The following KCND3 variants were observed in gnomAD, a reference collection of about 807,000 sequenced individuals.
KCND3 encodes the protein potassium voltage-gated channel subfamily D member 3, also known as A-type voltage-gated potassium channel KCND3.
A neutral mutation model predicts 51.1 loss-of-function variants in KCND3; 9 were observed. That is an observed-to-expected ratio of 0.18 (90% CI 0.11 to 0.31). The LOEUF (loss-of-function observed/expected upper bound fraction) is 0.31, where lower values mean the gene tolerates loss of function less well. KCND3 is among the 10% of genes least tolerant of loss of function. The pLI, the probability that KCND3 is intolerant of heterozygous loss-of-function variation, is 1.00. For synonymous variants in KCND3, 349 were observed against 368.0 expected (o/e 0.95, Z 0.59); for missense variants, 526 against 903.8 (o/e 0.58, Z 5.36).
chr1:111,873,585 C>T (rs1668920783), intron 2 of KCND3, among the ~76,000 whole-genome samples: 1 of 152,118 alleles, frequency 6.6e-6, no homozygotes, highest in South Asian at 2.1e-4. Flanking sequence ...CCTGGGAAGA[C>T]AGGCTAAGTG....
intron 2 of KCND3, among the ~76,000 whole-genome samples, chr1:111,931,703 G>A (rs1370760386): frequency 3.3e-5 from 5 of 152,232 alleles, no homozygotes; most frequent in African/African-American, 1.2e-4. Flanking sequence ...GGCAGCATCG[G>A]CATAGTGCTG....
chr1:111,902,887 T>G (rs572900406), intron 2 of KCND3, among the ~76,000 whole-genome samples: 11 of 152,346 alleles, frequency 7.2e-5, no homozygotes, highest in African/African-American at 2.2e-4. Flanking sequence ...TGAACACTTG[T>G]GAGAGTAGCA....
At chr1:111,894,635 G>A (rs1473239921) in intron 2 of KCND3, among the ~76,000 whole-genome samples, 1 of 152,226 alleles carries the variant, frequency 6.6e-6, no homozygotes, top group Non-Finnish European at 1.5e-5. Context: ...TGACTAGCAG[G>A]CTGCGCTGCA....
At chr1:111,858,261 G>A (rs1194274867) in intron 2 of KCND3, among the ~76,000 whole-genome samples, 5 of 152,030 alleles carry the variant, frequency 3.3e-5, no homozygotes, top group Admixed American at 2.6e-4. Context: ...CATTTCCCTG[G>A]GCAAACCCAC....
intron 2 of KCND3, among the ~76,000 whole-genome samples, chr1:111,907,944 C>T (rs745374326): frequency 2.6e-5 from 4 of 151,064 alleles, no homozygotes; most frequent in Non-Finnish European, 5.9e-5. Flanking sequence ...CTTAGTAGTT[C>T]ATTGTCTTTC....
At chr1:111,823,030 G>A (rs1373501105) in intron 2 of KCND3, among the ~76,000 whole-genome samples, 1 of 152,228 alleles carries the variant, frequency 6.6e-6, no homozygotes, top group African/African-American at 2.4e-5. Context: ...ACTGAACCCA[G>A]ACAGACGGCG....
At chr1:111,868,419 G>A (rs1214543336) in intron 2 of KCND3, among the ~76,000 whole-genome samples, 2 of 152,274 alleles carry the variant, frequency 1.3e-5, no homozygotes, top group East Asian at 3.9e-4. Context: ...AAACACAAGA[G>A]TACAGTGCCT....
intron 2 of KCND3, among the ~76,000 whole-genome samples, chr1:111,870,829 G>A (rs1274340165): frequency 6.6e-6 from 1 of 152,212 alleles, no homozygotes; most frequent in Admixed American, 6.5e-5. Flanking sequence ...AAGCATATGT[G>A]GGATGGAAGA....
chr1:111,818,031 C>A (rs1666173432), intron 2 of KCND3, among the ~76,000 whole-genome samples: 1 of 132,598 alleles, frequency 7.5e-6, no homozygotes, highest in South Asian at 2.5e-4. Flanking sequence ...CCCATAGGCA[C>A]ACGCGCGTGC....
chr1:111,944,009 C>A (rs771945360), intron 2 of KCND3, among the ~76,000 whole-genome samples: 6 of 152,254 alleles, frequency 3.9e-5, no homozygotes, highest in Non-Finnish European at 8.8e-5. Flanking sequence ...AGGACTAAAT[C>A]TGTCAGGAAA....
At position 111,773,758 on chromosome 1, in the gene KCND3, A is replaced by G. The variant is rs758892020; in HGVS notation, c.*2319T>C. The stretch of plus-strand genomic sequence containing the variant: ...TTATCTCTTACCCCAGTCAGATCTT[A>G]TGAAGCATAACTAAGATACTTAGAC... On this transcript the variant is annotated 3_prime_UTR_variant, in exon 8 of 8. Coordinates refer to ENST00000302127, the MANE Select transcript of KCND3 (RefSeq NM_001378969.1). 1.3e-5 allele frequency: 2 copies of G among 152,132 alleles called. No homozygotes were observed. The highest frequency in any genetic ancestry group is 2.9e-5 in the Non-Finnish European group (2 of 68,024). The allele number at this position is 152,132 out of a possible 1,614,324, so 9.4% of individuals were successfully genotyped here.
chr1:111,796,520 G>A (rs77299909), intron 2 of KCND3, among the ~76,000 whole-genome samples: 52 of 152,286 alleles, frequency 3.4e-4, no homozygotes, highest in Non-Finnish European at 6.5e-4. Flanking sequence ...AGCAAACTAA[G>A]TCAGGAAGAG....
intron 2 of KCND3, among the ~76,000 whole-genome samples, chr1:111,954,606 A>AC (rs990692887): frequency 6.6e-5 from 10 of 152,214 alleles, no homozygotes; most frequent in African/African-American, 1.9e-4. Context: ...CAACTGCCAG[A>AC]GTGGGATTCT....
intron 2 of KCND3, among the ~76,000 whole-genome samples, chr1:111,851,222 C>T (rs1354675743): frequency 6.6e-6 from 1 of 152,234 alleles, no homozygotes; most frequent in Admixed American, 6.5e-5. Context: ...TTGTGATGGA[C>T]ATATTCCACT....
At chr1:111,864,057 AGAG>A (rs1353406304) in intron 2 of KCND3, among the ~76,000 whole-genome samples, 2 of 152,004 alleles carry the variant, frequency 1.3e-5, no homozygotes, top group African/African-American at 4.8e-5. Flanking sequence ...TATGGGGAGC[AGAG>A]GAGGAGGAGC....
intron 2 of KCND3, among the ~76,000 whole-genome samples, chr1:111,856,025 G>A (rs1259901676): frequency 6.6e-6 from 1 of 152,188 alleles, no homozygotes; most frequent in South Asian, 2.1e-4. Context: ...CTCCCTCCAG[G>A]CTCTTGCCAG....
chr1:111,814,320 G>A (rs112087289), intron 2 of KCND3, among the ~76,000 whole-genome samples: 5 of 152,332 alleles, frequency 3.3e-5, no homozygotes, highest in African/African-American at 1.2e-4. Context: ...AACATGCACA[G>A]CAACCTAGCA....
At chr1:111,921,875 C>T (rs1671490020) in intron 2 of KCND3, among the ~76,000 whole-genome samples, 1 of 152,104 alleles carries the variant, frequency 6.6e-6, no homozygotes, top group Admixed American at 6.5e-5. Flanking sequence ...GGAAGATCAA[C>T]AGGATAAACC....
At chr1:111,822,069 C>T (rs1666374996) in intron 2 of KCND3, among the ~76,000 whole-genome samples, 1 of 138,910 alleles carries the variant, frequency 7.2e-6, no homozygotes, top group South Asian at 2.5e-4. Context: ...TATGTGGGGG[C>T]TCAAGCAGTC....
Sources: gnomAD v4.1 joint callset for allele counts (sites outside exome capture counted in the v4.1 genomes callset) on GRCh38, gnomAD v4.1.1 for gene constraint, MANE v1.5 for transcripts, NCBI Gene and HGNC (gene_info 2026-07-23, HGNC 2026-07-21) for gene names.